Variants in DNAAF4 observed in about 807,000 individuals in gnomAD.
DNAAF4 encodes the protein dynein axonemal assembly factor 4, also known as dynein assembly factor 4, axonemal.
DNAAF4 carries 43 observed loss-of-function variants against 51.8 expected under a neutral mutation model. That is an observed-to-expected ratio of 0.83 (90% confidence interval 0.65 to 1.07). The LOEUF is 1.07. DNAAF4 is among the 50% of genes least tolerant of loss of function. DNAAF4 has a pLI of 0.00. For synonymous variants in DNAAF4, 194 were observed against 165.6 expected (o/e 1.17, Z -1.32); for missense variants, 581 against 493.0 (o/e 1.18, Z -1.69).
intron 8 of DNAAF4, among the ~76,000 whole-genome samples, chr15:55,433,863 ATATT>A (rs2057544207): frequency 9.6e-5 from 4 of 41,822 alleles, no homozygotes; most frequent in Non-Finnish European, 1.4e-4. Context: ...ATTATAATAT[ATATT>A]ATATATATTA....
chr15:55,433,487 A>G (rs2057529828), intron 8 of DNAAF4, among the ~76,000 whole-genome samples: 1 of 150,242 alleles, frequency 6.7e-6, no homozygotes, highest in East Asian at 2.0e-4. Context: ...TTAGCCGGGT[A>G]TGATGGCGGG....
chr15:55,462,253 G>A (rs2058103668), intron 5 of DNAAF4, among the ~76,000 whole-genome samples: 1 of 152,094 alleles, frequency 6.6e-6, no homozygotes, highest in Non-Finnish European at 1.5e-5. Context: ...GAATGCAGTG[G>A]TGAGATCTCG....
downstream of DNAAF4, among the ~76,000 whole-genome samples, chr15:55,426,697 G>A (rs1302182673): frequency 1.3e-5 from 2 of 152,156 alleles, no homozygotes; most frequent in East Asian, 1.9e-4. Flanking sequence ...TGGAATTACA[G>A]GCATGAGCCA....
intron 4 of DNAAF4, chr15:55,490,883 A>G (rs947136787): frequency 2.2e-5 from 7 of 316,896 alleles, no homozygotes; most frequent in Non-Finnish European, 3.4e-5. Context: ...GAACCCGGGA[A>G]GTGGAGCTTG....
chr15:55,440,965 G>A (rs1595897194), intron 6 of DNAAF4, among the ~76,000 whole-genome samples: 1 of 151,976 alleles, frequency 6.6e-6, no homozygotes, highest in Non-Finnish European at 1.5e-5. Flanking sequence ...ACAGGCTTGA[G>A]CCACCGTGCC....
At chr15:55,505,890 C>T (rs1307665927) in intron 1 of DNAAF4, among the ~76,000 whole-genome samples, 1 of 152,158 alleles carries the variant, frequency 6.6e-6, no homozygotes, top group African/African-American at 2.4e-5. Context: ...ACGTTGTGCA[C>T]ATGTACCTTA....
In DNAAF4 at chr15:55,502,742, C is replaced by T. The variant is rs534634240; in HGVS notation, c.-255-4158G>A. Among the ~76,000 whole-genome samples the T allele has an allele frequency of 2.6e-5, 4 of 152,238 alleles. No homozygotes were observed. In the East Asian group the frequency reaches 7.7e-4, roughly 29 times the overall value. ...GAAACCAGTAAGAACAAAGACACAA[C>T]GTACCAGAATCTCTGGGGCACATTT... On this transcript the variant is annotated intron_variant, in intron 1 of 9. Transcript: ENST00000321149.
intron 6 of DNAAF4, among the ~76,000 whole-genome samples, chr15:55,441,417 CT>C (rs558120319): frequency 1.3e-5 from 2 of 151,406 alleles, no homozygotes; most frequent in Non-Finnish European, 2.9e-5. Context: ...TTTCATTTTT[CT>C]TTTTTTTTAC....
intron 3 of DNAAF4, among the ~76,000 whole-genome samples, chr15:55,491,794 T>C (rs1387605431): frequency 7.0e-6 from 1 of 142,754 alleles, no homozygotes; most frequent in Non-Finnish European, 1.5e-5. Context: ...TTTATATATA[T>C]TTATATATAA....
intron 5 of DNAAF4, among the ~76,000 whole-genome samples, chr15:55,459,607 C>T (rs1325678866): frequency 3.3e-5 from 5 of 152,134 alleles, no homozygotes. Context: ...ACAGACTTGC[C>T]TAACATATAA....
In DNAAF4 at chr15:55,491,169, G is replaced by A; in HGVS notation, c.359C>T (p.Ala120Val). 6.2e-7 allele frequency: 1 copy of A among 1,613,974 alleles called. No individual in the cohort carries two copies. The highest frequency in any genetic ancestry group is 1.1e-5 in the South Asian group (1 of 91,074). Reference sequence around the variant, plus strand: ...GTATTTTTGATCTTCCCGCTTTGCTGCAGCTTTTGCTTCTGTAGCTTCTTT... The same window carrying A: ...GTATTTTTGATCTTCCCGCTTTGCTACAGCTTTTGCTTCTGTAGCTTCTTT... ...RAKEATEAKA[A>V]AKREDQKYAL... The change falls in exon 4 of 10, where the codon GCA (alanine) becomes GTA (valine). Residue 120 changes from alanine to valine, a missense_variant. Transcript: ENST00000321149.
At chr15:55,434,101 A>C (rs1394868879) in intron 8 of DNAAF4, among the ~76,000 whole-genome samples, 2 of 132,002 alleles carry the variant, frequency 1.5e-5, no homozygotes, top group African/African-American at 5.7e-5. Context: ...TGAACAACTT[A>C]AGGAATTTTT....
intron 5 of DNAAF4, among the ~76,000 whole-genome samples, chr15:55,466,218 T>C (rs1287213025): frequency 6.6e-6 from 1 of 151,866 alleles, no homozygotes; most frequent in East Asian, 1.9e-4. Flanking sequence ...AGCTCACGAG[T>C]TCAAGACCAG....
intron 4 of DNAAF4, 88 bp from the exon 5 acceptor site, chr15:55,467,249 C>T: frequency 8.4e-7 from 1 of 1,196,354 alleles, no homozygotes; most frequent in Non-Finnish European, 1.2e-6. Context: ...ATTAGTTATT[C>T]ATACCTCTAA....
At chr15:55,465,391 T>TAC (rs1225166580) in intron 5 of DNAAF4, among the ~76,000 whole-genome samples, 2,968 of 147,888 alleles carry the variant, frequency 0.02, 93 homozygotes, top group African/African-American at 0.063. Context: ...ATGGTGTATA[T>TAC]ATACACACAC....
chr15:55,424,122 A>T (rs1048988911), intron 7 of DNAAF4, among the ~76,000 whole-genome samples: 2 of 151,686 alleles, frequency 1.3e-5, no homozygotes, highest in African/African-American at 2.4e-5. Context: ...TCATGGGGAC[A>T]CCATACTCTT....
At chr15:55,454,579 T>A (rs749219916) in intron 5 of DNAAF4, among the ~76,000 whole-genome samples, 1 of 151,990 alleles carries the variant, frequency 6.6e-6, no homozygotes. Flanking sequence ...GGTTTCACCA[T>A]GTTAGCCAGG....
intron 6 of DNAAF4, among the ~76,000 whole-genome samples, chr15:55,441,734 G>A (rs962650632): frequency 4.6e-5 from 7 of 152,174 alleles, no homozygotes; most frequent in African/African-American, 1.7e-4. Context: ...CCCTACAAAG[G>A]ACATGAACTC....
chr15:55,461,170 G>A (rs2058089638), intron 5 of DNAAF4, among the ~76,000 whole-genome samples: 2 of 151,958 alleles, frequency 1.3e-5, no homozygotes, highest in South Asian at 4.1e-4. Context: ...CTGGGTTCAT[G>A]CCATTCTCCT....
Sources: allele counts gnomAD v4.1 joint callset (sites outside exome capture counted in the v4.1 genomes callset), GRCh38; gene constraint gnomAD v4.1.1; transcripts MANE v1.5; gene names NCBI Gene and HGNC (gene_info 2026-07-23, HGNC 2026-07-21).